LRPPRC: variants seen among roughly 807,000 people sequenced by gnomAD.
The protein encoded by LRPPRC is leucine rich pentatricopeptide repeat containing, also known as leucine-rich PPR motif-containing protein, mitochondrial.
In LRPPRC, 120 loss-of-function variants were observed where a neutral mutation model predicts 180.3. The observed-to-expected ratio is 0.67, with a 90% confidence interval of 0.57 to 0.77. LRPPRC has a LOEUF of 0.77. Among genes scored for constraint, LRPPRC ranks in the 30% least tolerant of loss-of-function variants. The pLI is 0.00. For synonymous variants in LRPPRC, 723 were observed against 600.0 expected, an observed-to-expected ratio of 1.21 and a Z score of -3.00; for missense variants, 2,012 against 1,657.2, an observed-to-expected ratio of 1.21 and a Z score of -3.72.
intron 25 of LRPPRC, among the ~76,000 whole-genome samples, chr2:43,930,903 C>T (rs1317434732): frequency 2.0e-5 from 3 of 152,102 alleles, no homozygotes; most frequent in Non-Finnish European, 4.4e-5. Context: ...AAAATGACTT[C>T]CTTCTTTTAG....
intron 14 of LRPPRC, among the ~76,000 whole-genome samples, chr2:43,951,162 T>C (rs1430455044): frequency 6.6e-6 from 1 of 152,210 alleles, no homozygotes; most frequent in African/African-American, 2.4e-5. Flanking sequence ...TCAAAACTAA[T>C]GTGCCTTTAA....
intron 23 of LRPPRC, among the ~76,000 whole-genome samples, chr2:43,939,690 T>A (rs1394522651): frequency 6.6e-6 from 1 of 152,192 alleles, no homozygotes; most frequent in African/African-American, 2.4e-5. Flanking sequence ...AAATGAGGAA[T>A]CTTCAAGGAG....
intron 27 of LRPPRC, among the ~76,000 whole-genome samples, chr2:43,923,580 T>TA (rs890002561): frequency 2.0e-4 from 30 of 152,194 alleles, no homozygotes; most frequent in African/African-American, 7.2e-4. Flanking sequence ...ACCACATACT[T>TA]ACAGTTGTTC....
intron 16 of LRPPRC, among the ~76,000 whole-genome samples, chr2:43,948,911 G>C (rs540456727): frequency 6.6e-6 from 1 of 151,908 alleles, no homozygotes; most frequent in Non-Finnish European, 1.5e-5. Flanking sequence ...ATTTAGGGAA[G>C]CACATAAAAT....
At chr2:43,918,485 T>A in intron 27 of LRPPRC, 87 bp from the exon 28 acceptor site, 1 of 1,030,308 alleles carries the variant, frequency 9.7e-7, no homozygotes, top group Non-Finnish European at 1.5e-6. Flanking sequence ...TTATTTGATG[T>A]TGAAGAAAGC....
intron 32 of LRPPRC, 86 bp from the exon 33 acceptor site, chr2:43,899,691 C>T (rs1432217046): frequency 2.4e-6 from 2 of 829,960 alleles, no homozygotes; most frequent in East Asian, 2.6e-5. Flanking sequence ...CTTTTATATC[C>T]ACTCATGCTA....
chr2:43,893,343 C>T (rs1315545384), intron 36 of LRPPRC, among the ~76,000 whole-genome samples: 1 of 152,146 alleles, frequency 6.6e-6, no homozygotes, highest in Non-Finnish European at 1.5e-5. Context: ...AAAATGCTAA[C>T]AAACAACATC....
chr2:43,896,478 C>G, intron 35 of LRPPRC, 156 bp downstream of exon 35: 2 of 615,308 alleles, frequency 3.3e-6, no homozygotes, highest in Non-Finnish European at 5.9e-6. Context: ...AGCTAACAGA[C>G]GACAAAACTG....
rs1052736772 is a variant in LRPPRC at position 43,963,860 on chromosome 2, TAC to T, written c.1370-156_1370-155del. Reference sequence around the variant, plus strand: ...AAGGCAGAAAAGAAACACTGTGAGATACAATGATAAAAAAATTAACTCCTCCT... The same window carrying T: ...AAGGCAGAAAAGAAACACTGTGAGATAATGATAAAAAAATTAACTCCTCCT... On this transcript the variant is annotated intron_variant, in intron 11 of 37. Transcript: ENST00000260665. 8 of 662,542 alleles carry T rather than the reference TAC, an allele frequency of 1.2e-5. No individual in the cohort carries two copies. In the Admixed American group the frequency reaches 1.7e-4, roughly 14 times the overall value. 41.0% of individuals were successfully genotyped at this position (662,542 alleles called of 1,614,324 possible). A position where few individuals can be genotyped will look rare whatever the true frequency, so the allele number is the denominator to read the frequency against.
At position 43,943,796 on chromosome 2, in the gene LRPPRC, T is replaced by C. The variant is rs1394324745; in HGVS notation, c.2395A>G (p.Arg799Gly). The C allele has an allele frequency of 1.9e-6, 3 of 1,613,436 alleles. No individual in the cohort carries two copies. The highest frequency in any genetic ancestry group is 1.7e-5 in the Admixed American group (1 of 59,992). The change falls in exon 23 of 38, where the codon AGA (arginine) becomes GGA (glycine). Residue 799 changes from arginine (R) to glycine (G), a missense_variant. Transcript: ENST00000260665. ...FFHMLNGAAL[R>G]GEIETVKQLH... ...TGTTTTACTGTTTCAATTTCACCTC[T>C]TAAAGCTGCGCCATTTAGCATGTGG... is the stretch of plus-strand genomic sequence containing the variant.
chr2:43,899,795 C>G (rs575019948), intron 32 of LRPPRC, 190 bp from the exon 33 acceptor site: 1 of 594,454 alleles, frequency 1.7e-6, no homozygotes, highest in East Asian at 2.9e-5. Context: ...CAAAAACATT[C>G]ACTAGCTGGT....
At chr2:43,920,602 C>T (rs923479431) in intron 27 of LRPPRC, among the ~76,000 whole-genome samples, 5 of 151,830 alleles carry the variant, frequency 3.3e-5, no homozygotes, top group African/African-American at 4.8e-5. Flanking sequence ...TAACTAATTA[C>T]GCTTTTTCTT....
chr2:43,902,332 G>C (rs1382030308), intron 31 of LRPPRC: 1 of 152,144 alleles, frequency 6.6e-6, no homozygotes, highest in African/African-American at 2.4e-5. Context: ...ATCATGATAT[G>C]AAATAAAGTG....
In LRPPRC at chr2:43,905,753, T is replaced by G; in HGVS notation, c.3303A>C (p.Thr1101=). ...GGCGGCTGTTGGCAGCATCGTTCAG[T>G]GTGAAGCCCTTGATGTGGGTCTCCG... ...AFAETHIKGF[T]LNDAANSRLI... The change falls in exon 31 of 38, where the codon ACA becomes ACC. Residue 1101 remains threonine, a synonymous_variant. Transcript: ENST00000260665. 6.2e-7 allele frequency: 1 copy of G among 1,613,744 alleles called. No individual in the cohort carries two copies. Among genetic ancestry groups the G allele is most frequent in the Non-Finnish European group, 8.5e-7 (1 of 1,179,578 alleles).
chr2:43,903,923 T>A (rs72496673), intron 31 of LRPPRC: 1 of 152,230 alleles, frequency 6.6e-6, no homozygotes, highest in Non-Finnish European at 1.5e-5. Context: ...TTTTATTACA[T>A]AAAATACTAA....
At chr2:43,910,926 C>T (rs186608057) in intron 30 of LRPPRC, among the ~76,000 whole-genome samples, 2 of 152,188 alleles carry the variant, frequency 1.3e-5, no homozygotes, top group African/African-American at 4.8e-5. Flanking sequence ...GTCTTTGCTT[C>T]TATCTCATCA....
At chr2:43,888,959 C>T (rs1047320117) in intron 37 of LRPPRC, among the ~76,000 whole-genome samples, 2 of 152,158 alleles carry the variant, frequency 1.3e-5, no homozygotes, top group African/African-American at 4.8e-5. Flanking sequence ...TTGAAATAAA[C>T]ACGGTGTATT....
intron 14 of LRPPRC, among the ~76,000 whole-genome samples, chr2:43,951,013 T>A (rs1168112400): frequency 2.0e-5 from 3 of 152,004 alleles, no homozygotes; most frequent in African/African-American, 7.3e-5. Context: ...GAGGTTGCAG[T>A]GAGCCGAGAT....
intron 3 of LRPPRC, among the ~76,000 whole-genome samples, chr2:43,979,347 G>C (rs969838791): frequency 1.3e-5 from 2 of 152,060 alleles, no homozygotes; most frequent in Admixed American, 1.3e-4. Flanking sequence ...CATATAAAGA[G>C]CTTCTTCATT....
Sources: gnomAD v4.1 joint callset for allele counts (sites outside exome capture counted in the v4.1 genomes callset) on GRCh38, gnomAD v4.1.1 for gene constraint, MANE v1.5 for transcripts, NCBI Gene and HGNC (gene_info 2026-07-23, HGNC 2026-07-21) for gene names.